CENPP: variants seen among roughly 807,000 people sequenced by gnomAD.
CENPP encodes centromere protein P.
In CENPP, 24 loss-of-function variants were observed where a neutral mutation model predicts 35.6. The observed-to-expected ratio is 0.67, with a 90% confidence interval of 0.49 to 0.95. The LOEUF (loss-of-function observed/expected upper bound fraction) is 0.95. Among genes scored for constraint, CENPP ranks in the 40% least tolerant of loss-of-function variants. CENPP has a pLI of 0.00. For synonymous variants in CENPP, 120 were observed against 125.5 expected, an observed-to-expected ratio of 0.96 and a Z score of 0.29; for missense variants, 332 against 345.3, an observed-to-expected ratio of 0.96 and a Z score of 0.31.
rs1386064786 is a variant in CENPP at position 92,611,325 on chromosome 9, A to C, written c.576A>C (p.Pro192=). Residue 192 remains proline (P), a synonymous_variant, in exon 6 of 8, where the codon CCA becomes CCC. Transcript: ENST00000375587. ...RTFKHLKEKY[P]DAVYLSEGPS... ...TTCTCCCCATGCAGGAAAAGTACCC[A>C]GATGCCGTGTACCTCTCGGAGGGGC... 1 of 1,613,472 alleles carries C rather than the reference A, an allele frequency of 6.2e-7. No individual in the cohort carries two copies.
intron 5 of CENPP, among the ~76,000 whole-genome samples, chr9:92,438,224 C>T (rs989999708): frequency 2.6e-5 from 4 of 152,118 alleles, no homozygotes; most frequent in African/African-American, 7.2e-5. Flanking sequence ...TAAGTTTTAT[C>T]TCTTATATTT....
At chr9:92,367,011 A>G (rs1424871691) in intron 4 of CENPP, among the ~76,000 whole-genome samples, 1 of 152,238 alleles carries the variant, frequency 6.6e-6, no homozygotes, top group Non-Finnish European at 1.5e-5. Context: ...CTCAAGGGAA[A>G]AAGACCCTCC....
At chr9:92,432,956 T>G (rs914924763) in intron 5 of CENPP, among the ~76,000 whole-genome samples, 2 of 152,168 alleles carry the variant, frequency 1.3e-5, no homozygotes, top group Admixed American at 6.6e-5. Flanking sequence ...ACAAAAAAAA[T>G]TTTGGATTTG....
intron 5 of CENPP, among the ~76,000 whole-genome samples, chr9:92,531,631 G>C (rs1204038347): frequency 6.6e-6 from 1 of 151,960 alleles, no homozygotes; most frequent in East Asian, 1.9e-4. Flanking sequence ...CTTCCTCCTA[G>C]TTGTGACAAC....
intron 1 of CENPP, among the ~76,000 whole-genome samples, chr9:92,326,318 G>C (rs1840501750): frequency 6.6e-6 from 1 of 152,222 alleles, no homozygotes; most frequent in African/African-American, 2.4e-5. Context: ...TCGTTTAATC[G>C]CAGTCGTCTG....
rs1468398569 is a variant in CENPP at position 92,618,322 on chromosome 9, T to C, written c.*5173T>C. ...CCTCCCCTCCCCTCCTAGTGTCGTT[T>C]CTGCTGAGCAGCTGGTCGTAAGGAC... On this transcript the variant is annotated 3_prime_UTR_variant, in exon 8 of 8. Transcript: ENST00000375587. 2.2e-6 allele frequency: 1 copy of C among 456,744 alleles called. No individual in the cohort carries two copies. The highest frequency in any genetic ancestry group is 6.9e-5 in the East Asian group (1 of 14,392). 28.3% of individuals were successfully genotyped at this position (456,744 alleles called of 1,614,324 possible).
chr9:92,523,939 C>T (rs1848230589), intron 5 of CENPP, among the ~76,000 whole-genome samples: 1 of 152,218 alleles, frequency 6.6e-6, no homozygotes, highest in Non-Finnish European at 1.5e-5. Context: ...GCAGGCACTC[C>T]ATAAGCCTTT....
chr9:92,418,259 G>T (rs1169793983), intron 5 of CENPP, among the ~76,000 whole-genome samples: 1 of 151,278 alleles, frequency 6.6e-6, no homozygotes, highest in Admixed American at 6.6e-5. Flanking sequence ...GCTAATTTTT[G>T]TATTGTTAGT....
intron 5 of CENPP, chr9:92,385,370 AG>A (rs1376568925): frequency 2.9e-6 from 1 of 348,840 alleles, no homozygotes; most frequent in Admixed American, 4.4e-5. Context: ...TTTAAATGGT[AG>A]TCTAGTATAA....
intron 5 of CENPP, among the ~76,000 whole-genome samples, chr9:92,602,061 C>T (rs983809606): frequency 6.6e-6 from 1 of 152,180 alleles, no homozygotes; most frequent in African/African-American, 2.4e-5. Flanking sequence ...CCTAGAACAG[C>T]TGATGATGCC....
At chr9:92,355,697 G>T (rs1351386976) in intron 4 of CENPP, among the ~76,000 whole-genome samples, 2 of 152,114 alleles carry the variant, frequency 1.3e-5, no homozygotes, top group Non-Finnish European at 1.5e-5. Context: ...GTCTAAAATA[G>T]CCCATTATGA....
intron 5 of CENPP, among the ~76,000 whole-genome samples, chr9:92,560,063 G>A (rs770814619): frequency 2.0e-5 from 3 of 152,150 alleles, no homozygotes; most frequent in Non-Finnish European, 4.4e-5. Flanking sequence ...TCAATCACTT[G>A]AGCCCAGGAG....
intron 5 of CENPP, among the ~76,000 whole-genome samples, chr9:92,463,542 A>G (rs1167967071): frequency 6.6e-6 from 1 of 152,244 alleles, no homozygotes; most frequent in African/African-American, 2.4e-5. Context: ...AACATAAAGA[A>G]TGGCCATGTC....
intron 5 of CENPP, chr9:92,522,881 C>T: frequency 4.4e-6 from 7 of 1,581,014 alleles, no homozygotes; most frequent in Non-Finnish European, 6.0e-6. Context: ...GATTTTTTTC[C>T]ACCAGCCAAT....
chr9:92,355,557 A>C (rs1472622020), intron 4 of CENPP, among the ~76,000 whole-genome samples: 1 of 152,206 alleles, frequency 6.6e-6, no homozygotes, highest in African/African-American at 2.4e-5. Context: ...CTTTTAGACC[A>C]ATCTAGCTGA....
At chr9:92,591,292 G>C (rs944464688) in intron 5 of CENPP, among the ~76,000 whole-genome samples, 16 of 151,982 alleles carry the variant, frequency 1.1e-4, no homozygotes, top group African/African-American at 3.6e-4. Flanking sequence ...GATGGCGGCC[G>C]CCTGTAGTCC....
rs1554686281 is a variant in CENPP at position 92,551,942 on chromosome 9, T to TG, written c.565-59372_565-59371insG. Among the ~76,000 whole-genome samples, 58 of 79,494 alleles carry TG rather than the reference T, an allele frequency of 7.3e-4. 1 individual carries two copies. Among genetic ancestry groups the TG allele is most frequent in the African/African-American group, 5.0e-3 (53 of 10,636 alleles). The allele number at this position is 79,494 out of a possible 152,430, so 52.2% of individuals were successfully genotyped here. A position where few individuals can be genotyped will look rare whatever the true frequency, so the allele number is the denominator to read the frequency against. On this transcript the variant is annotated intron_variant, in intron 5 of 7. Coordinates refer to ENST00000375587, the MANE Select transcript of CENPP (RefSeq NM_001012267.3). Reference sequence around the variant, plus strand: ...GTGTGTGTGTATATATATATATATATATATATATATGATATATATATGTGT... The same window carrying TG: ...GTGTGTGTGTATATATATATATATATGATATATATATGATATATATATGTGT...
intron 5 of CENPP, chr9:92,401,112 G>T: frequency 1.3e-6 from 2 of 1,501,968 alleles, no homozygotes; most frequent in Non-Finnish European, 9.3e-7. Flanking sequence ...TTTCTTGGGA[G>T]GTAATGGTGT....
intron 4 of CENPP, among the ~76,000 whole-genome samples, chr9:92,348,302 C>T (rs1841352848): frequency 6.6e-6 from 1 of 151,606 alleles, no homozygotes; most frequent in Non-Finnish European, 1.5e-5. Context: ...TTTTCATTTC[C>T]AACATTCTTC....
Sources: gnomAD v4.1 joint callset for allele counts (sites outside exome capture counted in the v4.1 genomes callset) on GRCh38, gnomAD v4.1.1 for gene constraint, MANE v1.5 for transcripts, NCBI Gene and HGNC (gene_info 2026-07-23, HGNC 2026-07-21) for gene names.